Variants in SPIDR observed in about 807,000 individuals in gnomAD.
The protein encoded by SPIDR is DNA repair-scaffolding protein.
In SPIDR, 93 loss-of-function variants were observed where a neutral mutation model predicts 104.6. The ratio of observed to expected loss-of-function variants is 0.89; its 90% confidence interval spans 0.75 to 1.06. SPIDR has a LOEUF of 1.06. Among genes scored for constraint, SPIDR ranks in the 50% least tolerant of loss-of-function variants. SPIDR has a pLI of 0.00. For synonymous variants in SPIDR, 431 were observed against 416.9 expected (o/e 1.03, Z -0.41); for missense variants, 1,154 against 1,111.2 (o/e 1.04, Z -0.55).
intron 1 of SPIDR, among the ~76,000 whole-genome samples, chr8:47,275,435 T>G (rs1167866210): frequency 6.6e-6 from 1 of 152,190 alleles, no homozygotes; most frequent in Non-Finnish European, 1.5e-5. Context: ...GTCATTAGTT[T>G]TACATGGGTG....
intron 5 of SPIDR, among the ~76,000 whole-genome samples, chr8:47,314,677 C>T (rs1024803296): frequency 2.0e-5 from 3 of 152,106 alleles, no homozygotes; most frequent in Non-Finnish European, 2.9e-5. Flanking sequence ...GTCCCTTCCA[C>T]GACGTGTGAG....
intron 8 of SPIDR, chr8:47,511,026 G>A: frequency 2.5e-6 from 2 of 786,018 alleles, no homozygotes; most frequent in Admixed American, 1.9e-5. Context: ...GCAGCTGCCT[G>A]GGCAGTTAGG....
chr8:47,357,768 G>T, intron 5 of SPIDR: 2 of 624,786 alleles, frequency 3.2e-6, no homozygotes, highest in Non-Finnish European at 4.0e-6. Flanking sequence ...TGTGGAAGTT[G>T]GAGTTCTGAA....
chr8:47,665,039 C>T (rs182497032), intron 10 of SPIDR, among the ~76,000 whole-genome samples: 8 of 151,970 alleles, frequency 5.3e-5, no homozygotes, highest in South Asian at 4.2e-4. Flanking sequence ...AGGATGATGC[C>T]GAAAATATTT....
chr8:47,625,355 C>G (rs909821174), intron 10 of SPIDR, among the ~76,000 whole-genome samples: 20 of 152,294 alleles, frequency 1.3e-4, no homozygotes, highest in Non-Finnish European at 2.2e-4. Flanking sequence ...CTCACCACTC[C>G]TATTCAACAT....
At chr8:47,299,857 G>A (rs1366390288) in intron 5 of SPIDR, among the ~76,000 whole-genome samples, 2 of 152,108 alleles carry the variant, frequency 1.3e-5, no homozygotes, top group East Asian at 3.9e-4. Flanking sequence ...GTGTGCCAGT[G>A]TTTTATTGAG....
chr8:47,511,614 G>A (rs2082337877), intron 8 of SPIDR: 1 of 789,742 alleles, frequency 1.3e-6, no homozygotes, highest in African/African-American at 1.7e-5. Flanking sequence ...GAACATCTTG[G>A]TTGGAATGAT....
rs190652665 is a variant in SPIDR, at chr8:47,329,409, T to C, written c.525+35379T>C. Reference sequence around the variant, plus strand: ...TTTTTGTAGAGACAGGGTTTCACCATGTTGGCCAGGCTGGTCTCTAACTCC... The same window carrying C: ...TTTTTGTAGAGACAGGGTTTCACCACGTTGGCCAGGCTGGTCTCTAACTCC... On this transcript the variant is annotated intron_variant, in intron 5 of 19. Transcript: ENST00000297423. 1.8e-4 allele frequency among the ~76,000 whole-genome samples: 27 copies of C among 152,262 alleles called. 1 individual carries two copies. Among genetic ancestry groups the C allele is most frequent in the African/African-American group, 6.3e-4 (26 of 41,552 alleles).
At chr8:47,490,497 T>C (rs2078499814) in intron 8 of SPIDR, among the ~76,000 whole-genome samples, 1 of 152,178 alleles carries the variant, frequency 6.6e-6, no homozygotes, top group African/African-American at 2.4e-5. Context: ...CATTACTGGG[T>C]ATATACCGAA....
chr8:47,286,777 G>A (rs2038929024), intron 3 of SPIDR, among the ~76,000 whole-genome samples: 1 of 152,102 alleles, frequency 6.6e-6, no homozygotes, highest in African/African-American at 2.4e-5. Flanking sequence ...AAATATAAAT[G>A]ATTTTCAAAC....
intron 7 of SPIDR, among the ~76,000 whole-genome samples, chr8:47,420,761 C>G (rs1028569408): frequency 3.3e-5 from 5 of 152,170 alleles, no homozygotes; most frequent in African/African-American, 9.7e-5. Flanking sequence ...ACCAGTTATT[C>G]CTTTTCATGT....
chr8:47,355,911 G>GT (rs1463579059), intron 5 of SPIDR, among the ~76,000 whole-genome samples: 1 of 152,178 alleles, frequency 6.6e-6, no homozygotes, highest in East Asian at 1.9e-4. Context: ...TTTTGCAGTT[G>GT]TTAGTCAAGA....
chr8:47,627,217 A>G (rs1444273423), intron 10 of SPIDR, among the ~76,000 whole-genome samples: 1 of 152,168 alleles, frequency 6.6e-6, no homozygotes, highest in Non-Finnish European at 1.5e-5. Flanking sequence ...GAAGGGGAAG[A>G]TCACACTCTG....
At position 47,274,807 on chromosome 8, in the gene SPIDR, C is replaced by G. The variant is rs371686502; in HGVS notation, c.34-5055C>G. Reference sequence around the variant, plus strand: ...GCCAGGCTGGCCTTGAACTCCTGACCTTGTGATCCACCCACCTCAGCCTCC... The same window carrying G: ...GCCAGGCTGGCCTTGAACTCCTGACGTTGTGATCCACCCACCTCAGCCTCC... On this transcript the variant is annotated intron_variant, in intron 1 of 19. Transcript: ENST00000297423. 4.0e-3 allele frequency among the ~76,000 whole-genome samples: 605 copies of G among 151,780 alleles called. 4 individuals are homozygous for G. The highest frequency in any genetic ancestry group is 0.022 in the South Asian group (104 of 4,800).
intron 10 of SPIDR, among the ~76,000 whole-genome samples, chr8:47,636,560 C>T (rs1267181152): frequency 6.6e-6 from 1 of 152,162 alleles, no homozygotes; most frequent in Non-Finnish European, 1.5e-5. Context: ...GTGGCTCATG[C>T]CTGTAATCCC....
At chr8:47,337,943 T>C (rs1554610864) in intron 5 of SPIDR, among the ~76,000 whole-genome samples, 1 of 152,246 alleles carries the variant, frequency 6.6e-6, no homozygotes, top group East Asian at 1.9e-4. Flanking sequence ...GGTCTATATG[T>C]CTATCCTCAT....
intron 5 of SPIDR, among the ~76,000 whole-genome samples, chr8:47,322,854 C>T (rs531501028): frequency 2.6e-5 from 4 of 151,996 alleles, no homozygotes; most frequent in Non-Finnish European, 5.9e-5. Flanking sequence ...AACCAAACAG[C>T]GCATGTTCTC....
intron 11 of SPIDR, among the ~76,000 whole-genome samples, chr8:47,681,069 C>CA (rs897188710): frequency 6.6e-6 from 1 of 152,140 alleles, no homozygotes; most frequent in East Asian, 1.9e-4. Flanking sequence ...TCTCAAAAAA[C>CA]AAAAAGAGAG....
intron 10 of SPIDR, among the ~76,000 whole-genome samples, chr8:47,642,013 G>A (rs1350422995): frequency 6.6e-6 from 1 of 152,186 alleles, no homozygotes; most frequent in Non-Finnish European, 1.5e-5. Flanking sequence ...AGCCAGAGTG[G>A]ACTCTGCGCA....
Sources: gnomAD v4.1 joint callset for allele counts (sites outside exome capture counted in the v4.1 genomes callset) on GRCh38, gnomAD v4.1.1 for gene constraint, MANE v1.5 for transcripts, NCBI Gene and HGNC (gene_info 2026-07-23, HGNC 2026-07-21) for gene names.